FYB1: variants seen among roughly 807,000 people sequenced by gnomAD.
The protein encoded by FYB1 is FYN-binding protein 1.
Under a neutral mutation model 94.1 loss-of-function variants are expected in FYB1, and 41 were observed. The ratio of observed to expected loss-of-function variants is 0.44; its 90% CI spans 0.34 to 0.57. The LOEUF (loss-of-function observed/expected upper bound fraction) is 0.57, where lower values mean the gene tolerates loss of function less well. Ranked by LOEUF, FYB1 falls within the 20% of genes least tolerant of loss-of-function variation. The probability of loss-of-function intolerance (pLI) is 0.02; values close to 1 mark genes in which losing one functional copy is unlikely to be tolerated. For synonymous variants in FYB1, 367 were observed against 353.2 expected (o/e 1.04, Z -0.44); for missense variants, 1,050 against 976.8 (o/e 1.07, Z -1.00).
intron 4 of FYB1, among the ~76,000 whole-genome samples, chr5:39,140,453 T>C (rs1742069744): frequency 1.3e-5 from 2 of 151,882 alleles, no homozygotes; most frequent in South Asian, 2.1e-4. Context: ...AAGAAAAAAA[T>C]GGAAAGCTGA....
chr5:39,237,125 C>G (rs1324760757), intron 1 of FYB1, among the ~76,000 whole-genome samples: 1 of 151,908 alleles, frequency 6.6e-6, no homozygotes, highest in Non-Finnish European at 1.5e-5. Context: ...CCTTGAAATC[C>G]CGACAAAACA....
chr5:39,211,509 G>A (rs1749389031), intron 1 of FYB1, among the ~76,000 whole-genome samples: 1 of 151,878 alleles, frequency 6.6e-6, no homozygotes, highest in Admixed American at 6.6e-5. Context: ...TTTTAGCAGA[G>A]ACAGGGTTTC....
rs561437525 is a variant in FYB1 at position 39,266,677 on chromosome 5, A to G, written c.-28+7726T>C. On this transcript the variant is annotated intron_variant, in intron 1 of 1. Transcript: ENST00000510188. ...TGAGCTTGGGGTGGAGAAGGGAGTT[A>G]TGTAGTCATTAAGCCCCGCTTTCTG... Among the ~76,000 whole-genome samples the G allele has an allele frequency of 9.8e-4, 150 of 152,314 alleles. 3 individuals are homozygous for G. The highest frequency in any genetic ancestry group is 3.4e-3 in the African/African-American group (142 of 41,554).
chr5:39,226,361 A>T (rs957280683), intron 1 of FYB1, among the ~76,000 whole-genome samples: 1 of 151,680 alleles, frequency 6.6e-6, no homozygotes, highest in Non-Finnish European at 1.5e-5. Context: ...TAACTGGATG[A>T]TATTTGCTTA....
chr5:39,243,833 G>A (rs1751333710), intron 1 of FYB1, among the ~76,000 whole-genome samples: 1 of 152,074 alleles, frequency 6.6e-6, no homozygotes, highest in Non-Finnish European at 1.5e-5. Flanking sequence ...GTGGTTTGTA[G>A]TTCTCCTTGA....
chr5:39,272,992 C>A, intron 1 of FYB1, among the ~76,000 whole-genome samples: 1 of 152,230 alleles, frequency 6.6e-6, no homozygotes, highest in Non-Finnish European at 1.5e-5. Flanking sequence ...AAGTTCCCCA[C>A]CCGGCCGGCT....
chr5:39,236,553 T>A (rs1242512111), intron 1 of FYB1, among the ~76,000 whole-genome samples: 1 of 152,098 alleles, frequency 6.6e-6, no homozygotes, highest in Non-Finnish European at 1.5e-5. Flanking sequence ...ACACCTAAAT[T>A]TGTAGGGGGT....
intron 2 of FYB1, among the ~76,000 whole-genome samples, chr5:39,192,843 T>C (rs772012434): frequency 6.6e-6 from 1 of 152,238 alleles, no homozygotes; most frequent in African/African-American, 2.4e-5. Context: ...ACCCTAAATG[T>C]GCCAAGGGAA....
At chr5:39,147,117 C>A (rs906828306) in intron 3 of FYB1, among the ~76,000 whole-genome samples, 1 of 152,092 alleles carries the variant, frequency 6.6e-6, no homozygotes, top group Non-Finnish European at 1.5e-5. Context: ...TAGGTCTATT[C>A]AATAAGGCCT....
intron 2 of FYB1, among the ~76,000 whole-genome samples, chr5:39,160,769 C>T (rs1249715355): frequency 6.6e-6 from 1 of 152,158 alleles, no homozygotes; most frequent in Non-Finnish European, 1.5e-5. Context: ...GTATTCAGTG[C>T]TACTTATGAA....
intron 11 of FYB1, among the ~76,000 whole-genome samples, chr5:39,127,082 A>AC (rs2150300484): frequency 6.9e-6 from 1 of 144,382 alleles, no homozygotes; most frequent in African/African-American, 2.6e-5. Context: ...AAAAAAAAAA[A>AC]AGAAATCTTA....
At chr5:39,141,933 CT>C (rs1333483413) in intron 3 of FYB1, among the ~76,000 whole-genome samples, 6 of 151,866 alleles carry the variant, frequency 4.0e-5, no homozygotes, top group Non-Finnish European at 8.8e-5. Context: ...TCTCCAGATG[CT>C]TTTGTCTTGG....
At chr5:39,238,859 A>G (rs991265564) in intron 1 of FYB1, among the ~76,000 whole-genome samples, 1 of 152,070 alleles carries the variant, frequency 6.6e-6, no homozygotes, top group Non-Finnish European at 1.5e-5. Context: ...TCCTTGTCAC[A>G]TGGTCACACG....
rs199727441 is a variant in FYB1, at chr5:39,134,168, A to G, written c.1817+40T>C. 27 of 1,473,362 alleles carry G rather than the reference A, an allele frequency of 1.8e-5. No individual in the cohort carries two copies. The African/African-American group carries it at 3.2e-4, about 17-fold the overall frequency. 91.3% of individuals were successfully genotyped at this position (1,473,362 alleles called of 1,614,324 possible). A position where few individuals can be genotyped will look rare whatever the true frequency, so the allele number is the denominator to read the frequency against. The stretch of plus-strand genomic sequence containing the variant: ...TTAATATACAAAATTTCTGACAAGG[A>G]GACAGTTTGATCTGTTCTACAATAC... On this transcript the variant is annotated intron_variant, in intron 9 of 18. Transcript: ENST00000512982.
chr5:39,223,514 T>A (rs2150558506), upstream of FYB1, among the ~76,000 whole-genome samples: 1 of 152,334 alleles, frequency 6.6e-6, no homozygotes, highest in Admixed American at 6.5e-5. Flanking sequence ...CAATTAAATT[T>A]AAAAAAATCA....
At position 39,202,298 on chromosome 5, in the gene FYB1, T is replaced by A; in HGVS notation, c.663A>T (p.Ser221=). The A allele has an allele frequency of 6.2e-7, 1 of 1,613,960 alleles. No homozygotes were observed. The highest frequency in any genetic ancestry group is 1.1e-5 in the South Asian group (1 of 91,074). The change falls in exon 2 of 19, where the codon TCA becomes TCT. Residue 221 remains serine, a synonymous_variant. Coordinates refer to ENST00000512982, the MANE Select transcript of FYB1 (RefSeq NM_001465.6). ...CCAGGGGAGCTGGGGACCCTTTTGA[T>A]GAAGACACATTCTTCATGGGGCTTT... ...EDESPMKNVS[S]SKGSPAPLGV... is the part of the protein sequence containing the mutation.
intron 2 of FYB1, among the ~76,000 whole-genome samples, chr5:39,199,162 T>TA (rs565707684): frequency 3.0e-3 from 452 of 152,002 alleles, no homozygotes; most frequent in Non-Finnish European, 5.2e-3. Context: ...TCCAGAATTA[T>TA]AAAAAATAGA....
intron 1 of FYB1, among the ~76,000 whole-genome samples, chr5:39,260,477 C>A (rs542628744): frequency 6.6e-6 from 1 of 152,008 alleles, no homozygotes; most frequent in South Asian, 2.1e-4. Flanking sequence ...ACTAGGAGTA[C>A]CAAGCAGGAT....
At chr5:39,146,509 G>A (rs1009758413) in intron 3 of FYB1, among the ~76,000 whole-genome samples, 4 of 151,884 alleles carry the variant, frequency 2.6e-5, no homozygotes, top group Non-Finnish European at 5.9e-5. Context: ...TGATTTTTTT[G>A]ATGAATTAAC....
Sources: gnomAD v4.1 joint callset for allele counts (sites outside exome capture counted in the v4.1 genomes callset) on GRCh38, gnomAD v4.1.1 for gene constraint, MANE v1.5 for transcripts, NCBI Gene and HGNC (gene_info 2026-07-23, HGNC 2026-07-21) for gene names.